WDR20: variants seen among roughly 807,000 people sequenced by gnomAD.
The protein encoded by WDR20 is WD repeat-containing protein 20.
In WDR20, 3 loss-of-function variants were observed where a neutral mutation model predicts 38.7. The ratio of observed to expected loss-of-function variants is 0.08; its 90% CI spans 0.04 to 0.20. The LOEUF is 0.20. Among genes scored for constraint, WDR20 ranks in the 10% least tolerant of loss-of-function variants. The pLI, the probability that WDR20 is intolerant of heterozygous loss-of-function variation, is 1.00. For missense variants in WDR20, 559 were observed against 727.7 expected (o/e 0.77, Z 2.67); for synonymous variants, 298 against 285.6 (o/e 1.04, Z -0.44).
Position 102,209,513 on chromosome 14 carries a change from G to A in WDR20, c.1343G>A (p.Ser448Asn). The change falls in exon 3 of 3, where the codon AGT (serine) becomes AAT (asparagine). Residue 448 changes from serine (S) to asparagine (N), a missense_variant. Ser to Asn is a conservative substitution (Grantham distance 46). Coordinates refer to ENST00000342702, the MANE Select transcript of WDR20 (RefSeq NM_144574.4). The surrounding 1 kb of genome is among the most constrained non-coding windows in gnomAD (Gnocchi z 6.0). ...GTCTCAAATGCTGGCAGCAAAAGCA[G>A]TGTCATGGACGGGGCCATTGCTTCT... ...SAVSNAGSKS[S>N]VMDGAIASGV... 6.2e-7 allele frequency: 1 copy of A among 1,614,208 alleles called. No individual in the cohort carries two copies. The highest frequency in any genetic ancestry group is 1.6e-4 in the Middle Eastern group (1 of 6,062).
chr14:102,210,315 T>G lies in WDR20; in HGVS notation c.*435T>G. 3 of 987,482 alleles carry G rather than the reference T, an allele frequency of 3.0e-6. No individual in the cohort carries two copies. Among genetic ancestry groups the G allele is most frequent in the South Asian group, 9.4e-5 (2 of 21,334 alleles). The allele number at this position is 987,482 out of a possible 1,614,324, so 61.2% of individuals were successfully genotyped here. Reference sequence around the variant, plus strand: ...GTGTTCAGCACAGATGGCCATGAATTGTCATTTATAGTCCAATTTTTTATC... The same window carrying G: ...GTGTTCAGCACAGATGGCCATGAATGGTCATTTATAGTCCAATTTTTTATC... On this transcript the variant is annotated 3_prime_UTR_variant, in exon 3 of 3. Transcript: ENST00000342702.
chr14:102,149,292 A>G (rs1347378035), intron 1 of WDR20, among the ~76,000 whole-genome samples: 2 of 152,182 alleles, frequency 1.3e-5, no homozygotes, highest in South Asian at 2.1e-4. Flanking sequence ...TGTGCTCCCA[A>G]AGTGCTGGGA....
intron 1 of WDR20, among the ~76,000 whole-genome samples, chr14:102,192,404 C>T (rs1373001102): frequency 2.0e-5 from 3 of 152,166 alleles, no homozygotes; most frequent in Non-Finnish European, 4.4e-5. Context: ...GTCTCAAACT[C>T]CTGACCTCAG....
chr14:102,172,755 A>G (rs1181187766), intron 1 of WDR20, among the ~76,000 whole-genome samples: 2 of 141,372 alleles, frequency 1.4e-5, no homozygotes, highest in African/African-American at 5.4e-5. Flanking sequence ...CCGGGCGGAG[A>G]CGCTCCTCAC....
intron 1 of WDR20, among the ~76,000 whole-genome samples, chr14:102,183,403 TCTCTCA>T (rs1394271918): frequency 6.6e-6 from 1 of 152,226 alleles, no homozygotes; most frequent in Non-Finnish European, 1.5e-5. Flanking sequence ...TGTTTAATGT[TCTCTCA>T]CTCTAGCTCT....
intron 1 of WDR20, among the ~76,000 whole-genome samples, chr14:102,167,116 ATCAG>A (rs1184774696): frequency 6.6e-6 from 1 of 152,178 alleles, no homozygotes; most frequent in Admixed American, 6.5e-5. Context: ...TGCCTACCTT[ATCAG>A]TCACTCTTCC....
intron 1 of WDR20, among the ~76,000 whole-genome samples, chr14:102,163,225 T>C (rs1225184781): frequency 1.3e-5 from 2 of 152,140 alleles, no homozygotes; most frequent in Non-Finnish European, 2.9e-5. Flanking sequence ...GTCTCTGTGT[T>C]GGGCACTTGC....
In WDR20 at chr14:102,181,426, AT is replaced by A. The variant is rs1456228272; in HGVS notation, c.250-13508del. On this transcript the variant is annotated intron_variant, in intron 1 of 2. Coordinates refer to ENST00000342702, the MANE Select transcript of WDR20 (RefSeq NM_144574.4). ...AGCTGCTGTGTTAATTGGTTGTATG[AT>A]TTTAGGCAGTTAACTTCTTTGGTCT... Among the ~76,000 whole-genome samples the A allele has an allele frequency of 3.3e-5, 5 of 151,762 alleles. No individual in the cohort carries two copies. The East Asian group carries it at 9.7e-4, about 29-fold the overall frequency.
intron 1 of WDR20, among the ~76,000 whole-genome samples, chr14:102,186,410 C>T (rs2064754871): frequency 1.3e-5 from 2 of 152,144 alleles, no homozygotes; most frequent in African/African-American, 2.4e-5. Flanking sequence ...GTATTTTTGT[C>T]ATTAGACCCA....
intron 1 of WDR20, among the ~76,000 whole-genome samples, chr14:102,151,747 T>G (rs2055953944): frequency 1.3e-5 from 2 of 151,430 alleles, no homozygotes; most frequent in African/African-American, 4.9e-5. Flanking sequence ...CTTTTTCTTT[T>G]TTTTTTTAAT....
chr14:102,156,489 T>G (rs1320880146), intron 1 of WDR20, among the ~76,000 whole-genome samples: 1 of 152,056 alleles, frequency 6.6e-6, no homozygotes, highest in African/African-American at 2.4e-5. Context: ...TGTTATTCAA[T>G]ATGTAATTAA....
At chr14:102,153,301 C>T (rs1342238141) in intron 1 of WDR20, among the ~76,000 whole-genome samples, 2 of 129,226 alleles carry the variant, frequency 1.5e-5, no homozygotes, top group Admixed American at 1.0e-4. Flanking sequence ...CCAGTGAAAC[C>T]TCTTTCTTTT....
In WDR20 at chr14:102,139,937, G is replaced by C; in HGVS notation, c.14G>C (p.Gly5Ala). The change falls in exon 1 of 3, where the codon GGA becomes GCA. Residue 5 changes from glycine to alanine, a missense_variant. Physicochemically the swap from Gly to Ala is moderately conservative, Grantham distance 60 (BLOSUM62 0). Transcript: ENST00000342702. ...CTGCTTTCCAAGATGGCGACGGAGGGAGGAGGGAAGGAGATGAACGAGATT... is the reference window on the plus strand; with the variant it reads ...CTGCTTTCCAAGATGGCGACGGAGGCAGGAGGGAAGGAGATGAACGAGATT... MATE[G>A]GGKEMNEIKT... 6.2e-7 allele frequency: 1 copy of C among 1,612,994 alleles called. No individual in the cohort carries two copies.
chr14:102,187,193 T>C (rs975003860), intron 1 of WDR20, among the ~76,000 whole-genome samples: 2 of 152,186 alleles, frequency 1.3e-5, no homozygotes, highest in African/African-American at 4.8e-5. Context: ...CAAAATGGCT[T>C]ATGGCAACCT....
chr14:102,204,472 C>G (rs111642639), intron 2 of WDR20, among the ~76,000 whole-genome samples: 1 of 152,198 alleles, frequency 6.6e-6, no homozygotes, highest in Admixed American at 6.5e-5. Context: ...ATTTCACTGT[C>G]TTCTCATCCC....
At chr14:102,219,266 C>G (rs1360638765), downstream of WDR20, among the ~76,000 whole-genome samples, 1 of 152,256 alleles carries the variant, frequency 6.6e-6, no homozygotes, top group Non-Finnish European at 1.5e-5. Context: ...CCTCCTGTTG[C>G]CTCCAGTGTT....
Position 102,222,891 on chromosome 14 carries a change from A to ACTG in WDR20, c.*13_*15dup. On this transcript the variant is annotated 3_prime_UTR_variant, in exon 4 of 4. Coordinates refer to the WDR20 transcript ENST00000335263. This position sits in a 1 kb window ranked among gnomAD's most constrained non-coding sequence, Gnocchi z 4.4. The stretch of plus-strand genomic sequence containing the variant: ...GGTGGAACTGTAGTGTAGCGACCTC[A>ACTG]CTGCTGCGCGCACAGTCTCCCGGGA... The ACTG allele has an allele frequency of 6.2e-7, 1 of 1,614,082 alleles. No individual in the cohort carries two copies. Among genetic ancestry groups the ACTG allele is most frequent in the Non-Finnish European group, 8.5e-7 (1 of 1,179,952 alleles).
intron 1 of WDR20, among the ~76,000 whole-genome samples, chr14:102,175,761 A>T (rs951289319): frequency 6.6e-6 from 1 of 152,104 alleles, no homozygotes; most frequent in Admixed American, 6.5e-5. Flanking sequence ...GAGGTCTTTC[A>T]TGTCAATGGT....
intron 1 of WDR20, among the ~76,000 whole-genome samples, chr14:102,141,934 T>C (rs1463488997): frequency 6.6e-6 from 1 of 152,190 alleles, no homozygotes; most frequent in Non-Finnish European, 1.5e-5. Context: ...CTTTGAAATG[T>C]TATGACTTCT....
Sources: gnomAD v4.1 joint callset for allele counts (sites outside exome capture counted in the v4.1 genomes callset) on GRCh38, gnomAD v4.1.1 for gene constraint, Gnocchi (gnomAD v3.1) non-coding constraint, MANE v1.5 for transcripts, NCBI Gene and HGNC (gene_info 2026-07-23, HGNC 2026-07-21) for gene names.